Variants in NALF1 observed in about 807,000 individuals in gnomAD.
NALF1 encodes NALCN channel auxiliary factor 1.
NALF1 carries 3 observed loss-of-function variants against 48.4 expected under a neutral mutation model. That is an observed-to-expected ratio of 0.06 (90% CI 0.03 to 0.16). The LOEUF is 0.16. NALF1 is among the 10% of genes least tolerant of loss of function. The pLI is 1.00. For missense variants in NALF1, 526 were observed against 571.5 expected (o/e 0.92, Z 0.81); for synonymous variants, 262 against 245.7 (o/e 1.07, Z -0.62).
At chr13:107,724,536 ATCCC>A (rs1374304775) in intron 1 of NALF1, among the ~76,000 whole-genome samples, 6 of 151,516 alleles carry the variant, frequency 4.0e-5, no homozygotes, top group Non-Finnish European at 7.4e-5. Flanking sequence ...CTCATATACC[ATCCC>A]TCCCTCCCTC....
intron 1 of NALF1, among the ~76,000 whole-genome samples, chr13:107,532,426 TCA>T (rs1876670322): frequency 6.6e-6 from 1 of 152,110 alleles, no homozygotes; most frequent in South Asian, 2.1e-4. Flanking sequence ...TAGTGTTTTC[TCA>T]GTGTTACAAT....
At chr13:107,678,243 A>G (rs1423929932) in intron 1 of NALF1, among the ~76,000 whole-genome samples, 1 of 152,126 alleles carries the variant, frequency 6.6e-6, no homozygotes, top group African/African-American at 2.4e-5. Flanking sequence ...GACATGGTGA[A>G]CGGGAGGGAT....
At chr13:107,387,023 A>G (rs563396866) in intron 1 of NALF1, among the ~76,000 whole-genome samples, 1 of 152,304 alleles carries the variant, frequency 6.6e-6, no homozygotes, top group East Asian at 1.9e-4. Flanking sequence ...ATGAAAAGCA[A>G]CAACAACAAC....
At chr13:107,569,608 T>C (rs1877926236) in intron 1 of NALF1, among the ~76,000 whole-genome samples, 1 of 152,238 alleles carries the variant, frequency 6.6e-6, no homozygotes, top group East Asian at 1.9e-4. Context: ...AGTCTATCGT[T>C]CTGTTGGGGG....
intron 1 of NALF1, among the ~76,000 whole-genome samples, chr13:107,527,506 C>T (rs984797147): frequency 6.6e-5 from 10 of 152,136 alleles, no homozygotes; most frequent in Admixed American, 5.9e-4. Context: ...CAAACATACA[C>T]GTTTTCCATG....
In NALF1 at chr13:107,527,369, T is replaced by C. The variant is rs192702385; in HGVS notation, c.916-316614A>G. On this transcript the variant is annotated intron_variant, in intron 1 of 2. Coordinates refer to ENST00000375915, the MANE Select transcript of NALF1 (RefSeq NM_001080396.3). Reference sequence around the variant, plus strand: ...GACAGGCCAGAAGAAGAAAAAAAGCTCTGAGAATGGCATAGATATGTTCGA... The same window carrying C: ...GACAGGCCAGAAGAAGAAAAAAAGCCCTGAGAATGGCATAGATATGTTCGA... Among the ~76,000 whole-genome samples, 157 of 152,200 alleles carry C rather than the reference T, an allele frequency of 1.0e-3. 2 individuals are homozygous for C. The highest frequency in any genetic ancestry group is 0.01 in the Admixed American group (154 of 15,264).
chr13:107,814,748 C>A (rs1879113638), intron 1 of NALF1, among the ~76,000 whole-genome samples: 1 of 152,120 alleles, frequency 6.6e-6, no homozygotes, highest in Non-Finnish European at 1.5e-5. Context: ...CATGGCAATA[C>A]TCTATTTTTA....
intron 1 of NALF1, among the ~76,000 whole-genome samples, chr13:107,714,972 G>T (rs7992268): frequency 0.037 from 5,500 of 149,270 alleles, 332 homozygotes; most frequent in African/African-American, 0.13. Context: ...GTTTAGAAGG[G>T]TTTTTTTTTG....
chr13:107,402,504 T>C (rs147021625), intron 1 of NALF1, among the ~76,000 whole-genome samples: 257 of 152,344 alleles, frequency 1.7e-3, no homozygotes, highest in Non-Finnish European at 3.4e-3. Flanking sequence ...TTTAAGCCAC[T>C]GAATTTGTGG....
chr13:107,479,121 G>T (rs73594713), intron 1 of NALF1, among the ~76,000 whole-genome samples: 3,206 of 152,180 alleles, frequency 0.021, 118 homozygotes, highest in African/African-American at 0.073. Flanking sequence ...TGCCCTTAAA[G>T]TCAGTCCATT....
At chr13:107,658,124 T>C (rs1261394014) in intron 1 of NALF1, among the ~76,000 whole-genome samples, 1 of 152,178 alleles carries the variant, frequency 6.6e-6, no homozygotes, top group Non-Finnish European at 1.5e-5. Flanking sequence ...GACTCTTTAT[T>C]GTTTTGCAGT....
intron 1 of NALF1, among the ~76,000 whole-genome samples, chr13:107,568,656 T>C (rs1383835342): frequency 6.6e-6 from 1 of 152,244 alleles, no homozygotes; most frequent in Non-Finnish European, 1.5e-5. Flanking sequence ...AGATATGTAC[T>C]AATTTCTCAT....
At chr13:107,584,281 G>A (rs921429961) in intron 1 of NALF1, among the ~76,000 whole-genome samples, 28 of 152,224 alleles carry the variant, frequency 1.8e-4, no homozygotes, top group African/African-American at 6.7e-4. Context: ...TTATTTAAGA[G>A]ATTTAACAGA....
chr13:107,812,661 T>C (rs963327412), intron 1 of NALF1, among the ~76,000 whole-genome samples: 5 of 152,204 alleles, frequency 3.3e-5, no homozygotes, highest in African/African-American at 9.6e-5. Flanking sequence ...AAGTAGTTAA[T>C]ATTTATTTGT....
chr13:107,249,551 A>G (rs149041452), intron 1 of NALF1, among the ~76,000 whole-genome samples: 1 of 148,194 alleles, frequency 6.7e-6, no homozygotes, highest in East Asian at 2.0e-4. Flanking sequence ...TATAAAATGA[A>G]CTCAGGTAAT....
intron 1 of NALF1, among the ~76,000 whole-genome samples, chr13:107,562,263 A>G (rs1024722434): frequency 2.0e-5 from 3 of 152,212 alleles, no homozygotes; most frequent in African/African-American, 7.2e-5. Context: ...TCTGTAACAC[A>G]GGCTATTTTG....
At chr13:107,258,553 T>C (rs928979231) in intron 1 of NALF1, among the ~76,000 whole-genome samples, 3 of 152,130 alleles carry the variant, frequency 2.0e-5, no homozygotes, top group African/African-American at 7.2e-5. Context: ...GCCCACAACC[T>C]AACTGTGTAA....
At chr13:107,340,014 A>C (rs1013780000) in intron 1 of NALF1, among the ~76,000 whole-genome samples, 1 of 152,182 alleles carries the variant, frequency 6.6e-6, no homozygotes, top group East Asian at 1.9e-4. Flanking sequence ...GCAGTTAGAC[A>C]ACATGAAGAC....
At chr13:107,220,965 C>G (rs1331114734) in intron 1 of NALF1, among the ~76,000 whole-genome samples, 2 of 151,884 alleles carry the variant, frequency 1.3e-5, no homozygotes, top group African/African-American at 4.8e-5. Context: ...GAATACTAGT[C>G]AGCCATAAAA....
Sources: allele counts gnomAD v4.1 joint callset (sites outside exome capture counted in the v4.1 genomes callset), GRCh38; gene constraint gnomAD v4.1.1; transcripts MANE v1.5; gene names NCBI Gene and HGNC (gene_info 2026-07-23, HGNC 2026-07-21).